The following NRXN3 variants were observed in gnomAD, a reference collection of about 807,000 sequenced individuals.
NRXN3 encodes neurexin III.
A neutral mutation model predicts 137.6 loss-of-function variants in NRXN3; 32 were observed. That is an observed-to-expected ratio of 0.23 (90% CI 0.18 to 0.31). The LOEUF is 0.31. Among genes scored for constraint, NRXN3 ranks in the 10% least tolerant of loss-of-function variants. The probability of loss-of-function intolerance (pLI) is 1.00; values close to 1 mark genes in which losing one functional copy is unlikely to be tolerated. For missense variants in NRXN3, 1,574 were observed against 2,062.5 expected, an observed-to-expected ratio of 0.76 and a Z score of 4.59; for synonymous variants, 798 against 784.5, an observed-to-expected ratio of 1.02 and a Z score of -0.29.
At chr14:79,402,101 T>A (rs1046100364) in intron 15 of NRXN3, among the ~76,000 whole-genome samples, 8 of 151,162 alleles carry the variant, frequency 5.3e-5, no homozygotes, top group African/African-American at 1.5e-4. Flanking sequence ...TTTTATTTTA[T>A]TTTTTTTTAT....
chr14:79,562,109 C>T (rs1054610102), intron 16 of NRXN3, among the ~76,000 whole-genome samples: 1 of 152,108 alleles, frequency 6.6e-6, no homozygotes, highest in African/African-American at 2.4e-5. Context: ...AGATTTTACA[C>T]AGGGTTCTCC....
intron 10 of NRXN3, among the ~76,000 whole-genome samples, chr14:78,811,309 T>A (rs1370454419): frequency 6.6e-6 from 1 of 152,176 alleles, no homozygotes; most frequent in Non-Finnish European, 1.5e-5. Context: ...GGATCTAGGA[T>A]CCTTCCATGA....
intron 4 of NRXN3, among the ~76,000 whole-genome samples, chr14:78,461,265 G>T (rs1357179947): frequency 6.6e-6 from 1 of 152,098 alleles, no homozygotes; most frequent in East Asian, 1.9e-4. Context: ...CTAGAGAATT[G>T]CATATTGTCC....
chr14:79,211,903 T>A (rs1415191307), intron 15 of NRXN3, among the ~76,000 whole-genome samples: 1 of 152,172 alleles, frequency 6.6e-6, no homozygotes, highest in East Asian at 1.9e-4. Context: ...TAATTTTCCC[T>A]GGTATTGCTC....
intron 10 of NRXN3, among the ~76,000 whole-genome samples, chr14:78,938,926 G>C (rs1198797727): frequency 1.3e-5 from 2 of 150,360 alleles, no homozygotes; most frequent in East Asian, 3.9e-4. Context: ...CTCACTGCAG[G>C]CTCCGCCCCC....
chr14:78,414,939 G>T (rs2093044359), intron 4 of NRXN3, among the ~76,000 whole-genome samples: 1 of 152,304 alleles, frequency 6.6e-6, no homozygotes, highest in African/African-American at 2.4e-5. Flanking sequence ...CTGGAGACAG[G>T]ATTTGGTTCC....
At chr14:78,340,594 T>C (rs1432669340) in intron 4 of NRXN3, among the ~76,000 whole-genome samples, 2 of 152,134 alleles carry the variant, frequency 1.3e-5, no homozygotes, top group Non-Finnish European at 2.9e-5. Flanking sequence ...TTCTCCTCCA[T>C]GTGGCTTCTC....
intron 15 of NRXN3, among the ~76,000 whole-genome samples, chr14:79,262,583 C>G (rs531958092): frequency 6.6e-6 from 1 of 151,962 alleles, no homozygotes; most frequent in Non-Finnish European, 1.5e-5. Context: ...AGAAGAATAA[C>G]AAGAAGGAGA....
chr14:79,584,569 G>A (rs2097749928), intron 16 of NRXN3, among the ~76,000 whole-genome samples: 2 of 152,162 alleles, frequency 1.3e-5, no homozygotes, highest in South Asian at 4.2e-4. Flanking sequence ...AGAACCTTAT[G>A]GGACTTGGGA....
chr14:78,271,473 A>AT (rs988853436), intron 2 of NRXN3, among the ~76,000 whole-genome samples: 27 of 90,428 alleles, frequency 3.0e-4, no homozygotes, highest in African/African-American at 7.9e-4. Context: ...CTTCTAAAGC[A>AT]TTTAAAAAAA....
chr14:78,650,717 A>G (rs1367334873), intron 5 of NRXN3, among the ~76,000 whole-genome samples: 1 of 152,242 alleles, frequency 6.6e-6, no homozygotes, highest in Non-Finnish European at 1.5e-5. Flanking sequence ...AAGGAAAAAT[A>G]AAACCATCAA....
At chr14:78,645,447 T>C (rs1473523144) in intron 5 of NRXN3, 26 bp downstream of exon 5, 1 of 1,541,562 alleles carries the variant, frequency 6.5e-7, no homozygotes, top group Non-Finnish European at 8.7e-7. Context: ...AGAGAATTCC[T>C]GGAAGGCTCA....
At chr14:78,778,646 C>A (rs2098752467) in intron 8 of NRXN3, among the ~76,000 whole-genome samples, 1 of 151,286 alleles carries the variant, frequency 6.6e-6, no homozygotes, top group African/African-American at 2.4e-5. Context: ...ATTCTCATTT[C>A]TTCCCTTCTT....
intron 4 of NRXN3, among the ~76,000 whole-genome samples, chr14:78,574,998 A>T (rs561622729): frequency 5.3e-5 from 8 of 152,284 alleles, no homozygotes; most frequent in African/African-American, 1.9e-4. Flanking sequence ...AGACAATTGA[A>T]TCATGAGGGT....
intron 16 of NRXN3, among the ~76,000 whole-genome samples, chr14:79,662,680 T>C (rs544631313): frequency 2.0e-5 from 3 of 152,088 alleles, no homozygotes; most frequent in Non-Finnish European, 1.5e-5. Flanking sequence ...CATCTGCTTC[T>C]GGGGAGCCCT....
At chr14:79,609,664 T>G (rs1311987633) in intron 16 of NRXN3, among the ~76,000 whole-genome samples, 1 of 152,226 alleles carries the variant, frequency 6.6e-6, no homozygotes, top group Admixed American at 6.5e-5. Flanking sequence ...TGTACAATTT[T>G]TCCTTTCACT....
In NRXN3 at chr14:78,894,136, A is replaced by G. The variant is rs2099167036; in HGVS notation, c.2276-63106A>G. 1.3e-5 allele frequency among the ~76,000 whole-genome samples: 2 copies of G among 151,930 alleles called. 1 individual carries two copies. The highest frequency in any genetic ancestry group is 1.3e-4 in the Admixed American group (2 of 15,230). ...CTGTAGCAATTTCCTAAAATAAGAC[A>G]ACAATGAAGTTTGCTTTATCAATTA... On this transcript the variant is annotated intron_variant, in intron 10 of 20. Coordinates refer to ENST00000335750, the MANE Select transcript of NRXN3 (RefSeq NM_001330195.2).
At chr14:78,626,029 C>T (rs534102105) in intron 4 of NRXN3, among the ~76,000 whole-genome samples, 3 of 152,184 alleles carry the variant, frequency 2.0e-5, no homozygotes, top group Non-Finnish European at 4.4e-5. Flanking sequence ...GCCTGGTGCT[C>T]AGCATTGACC....
intron 4 of NRXN3, among the ~76,000 whole-genome samples, chr14:78,456,813 C>A (rs527691213): frequency 8.5e-6 from 1 of 118,070 alleles, no homozygotes; most frequent in Admixed American, 9.1e-5. Flanking sequence ...TTCTTTCTTT[C>A]TTTCTTTCTT....
Sources: gnomAD v4.1 joint callset for allele counts (sites outside exome capture counted in the v4.1 genomes callset) on GRCh38, gnomAD v4.1.1 for gene constraint, MANE v1.5 for transcripts, NCBI Gene and HGNC (gene_info 2026-07-23, HGNC 2026-07-21) for gene names.